SNX1: variants seen among roughly 807,000 people sequenced by gnomAD.
SNX1 encodes the protein sorting nexin 1, also known as sorting nexin-1.
Under a neutral mutation model 71.8 loss-of-function variants are expected in SNX1, and 36 were observed. The ratio of observed to expected loss-of-function variants is 0.50; its 90% CI spans 0.38 to 0.66. SNX1 has a LOEUF of 0.66. Among genes scored for constraint, SNX1 ranks in the 30% least tolerant of loss-of-function variants. SNX1 has a pLI of 0.00. For missense variants in SNX1, 612 were observed against 646.7 expected (o/e 0.95, Z 0.58); for synonymous variants, 254 against 240.7 (o/e 1.06, Z -0.51).
At chr15:64,100,926 T>A (rs917794113) in intron 1 of SNX1, among the ~76,000 whole-genome samples, 6 of 152,184 alleles carry the variant, frequency 3.9e-5, no homozygotes, top group African/African-American at 1.4e-4. Flanking sequence ...CACCTCAGCC[T>A]CCTGCGTAGC....
chr15:64,096,322 C>A, intron 1 of SNX1, 150 bp downstream of exon 1: 1 of 957,114 alleles, frequency 1.0e-6, no homozygotes, highest in Non-Finnish European at 1.5e-6. Flanking sequence ...TGGATGTGCT[C>A]GAAGCGGTAG....
At chr15:64,135,208 C>A (rs1001898801) in intron 12 of SNX1, among the ~76,000 whole-genome samples, 4 of 151,950 alleles carry the variant, frequency 2.6e-5, no homozygotes, top group East Asian at 2.0e-4. Flanking sequence ...AGCTCTGCCT[C>A]CTGGGTTCAC....
rs765320488 is a variant in SNX1, at chr15:64,127,247, A to T, written c.726A>T (p.Leu242Phe). 6.2e-7 allele frequency: 1 copy of T among 1,612,478 alleles called. No individual in the cohort carries two copies. The highest frequency in any genetic ancestry group is 1.1e-5 in the South Asian group (1 of 90,882). ...AEFLEKRRAALERYLQRIVNH... is the reference protein window; with the variant it reads ...AEFLEKRRAAFERYLQRIVNH... ...TTCTTGAAAAACGGAGGGCCGCTTT[A>T]GAAAGGTAAGTGCCATGCAGCCATT... The change falls in exon 7 of 15, where the codon TTA becomes TTT. Residue 242 changes from leucine (L) to phenylalanine (F), a missense_variant. Transcript: ENST00000559844.
In SNX1 at chr15:64,137,933, AC is replaced by A. The variant is rs780610180; in HGVS notation, c.*316del. Reference sequence around the variant, plus strand: ...ATATTTTTCAGGATGTGGTTTAGGAACTGGGAATAACGTTTTCTGTTACTCC... The same window carrying A: ...ATATTTTTCAGGATGTGGTTTAGGAATGGGAATAACGTTTTCTGTTACTCC... On this transcript the variant is annotated 3_prime_UTR_variant, in exon 15 of 15. Transcript: ENST00000559844. 8.0e-5 allele frequency: 113 copies of A among 1,418,688 alleles called. No homozygotes were observed. The highest frequency in any genetic ancestry group is 9.8e-5 in the Non-Finnish European group (107 of 1,093,760). 87.9% of individuals were successfully genotyped at this position (1,418,688 alleles called of 1,614,324 possible). A position where few individuals can be genotyped will look rare whatever the true frequency, so the allele number is the denominator to read the frequency against.
At position 64,121,861 on chromosome 15, in the gene SNX1, T is replaced by G. The variant is rs138457045; in HGVS notation, c.467-1642T>G. Among the ~76,000 whole-genome samples the G allele has an allele frequency of 3.8e-3, 568 of 151,194 alleles. 3 individuals carry two copies. Among genetic ancestry groups the G allele is most frequent in the African/African-American group, 0.013 (539 of 40,438 alleles). ...ACGCATTCTGTTTGTGTGGGCTGTT[T>G]ATTCAACATGTGCTTCTTGTTCCTG... On this transcript the variant is annotated intron_variant, in intron 4 of 14. Coordinates refer to ENST00000559844, the MANE Select transcript of SNX1 (RefSeq NM_003099.5).
chr15:64,122,794 CCTT>C (rs1288953172), intron 4 of SNX1, among the ~76,000 whole-genome samples: 2 of 152,100 alleles, frequency 1.3e-5, no homozygotes, highest in African/African-American at 4.8e-5. Flanking sequence ...ATCTTTATCT[CCTT>C]AAGTGGTCTA....
intron 1 of SNX1, among the ~76,000 whole-genome samples, chr15:64,105,484 G>C (rs144478644): frequency 6.4e-4 from 97 of 152,308 alleles, no homozygotes; most frequent in African/African-American, 2.1e-3. Flanking sequence ...GCAAGTAGCC[G>C]TAAGTATCTC....
At chr15:64,098,563 C>T (rs959373665) in intron 1 of SNX1, among the ~76,000 whole-genome samples, 5 of 151,930 alleles carry the variant, frequency 3.3e-5, no homozygotes, top group East Asian at 1.9e-4. Context: ...CATGGTGGCA[C>T]GTGCCTGTAA....
intron 10 of SNX1, among the ~76,000 whole-genome samples, chr15:64,131,350 G>A (rs535483291): frequency 6.6e-5 from 10 of 152,214 alleles, no homozygotes; most frequent in Admixed American, 3.3e-4. Flanking sequence ...CCACTCATGA[G>A]CTTCAACATA....
Position 64,140,028 on chromosome 15 carries a change from C to G in SNX1, c.*2410C>G, listed in dbSNP as rs986344124. 2 of 152,202 alleles carry G rather than the reference C, an allele frequency of 1.3e-5. No individual in the cohort carries two copies. Among genetic ancestry groups the G allele is most frequent in the African/African-American group, 4.8e-5 (2 of 41,436 alleles). 9.4% of individuals were successfully genotyped at this position (152,202 alleles called of 1,614,324 possible). On this transcript the variant is annotated 3_prime_UTR_variant, in exon 15 of 15. Transcript: ENST00000559844. ...TCCCATTAATGTTGTTAACTCTGTT[C>G]ACCGCTTAGGTTGGTGTCTGCCAGA...
chr15:64,137,758 C>T lies in SNX1; in HGVS notation c.*140C>T. On this transcript the variant is annotated 3_prime_UTR_variant, in exon 15 of 15. Coordinates refer to ENST00000559844, the MANE Select transcript of SNX1 (RefSeq NM_003099.5). Reference sequence around the variant, plus strand: ...CTCCCTGTCCCCACGACCAACTGTCCCCAGTTACTCTAACCGTTATTTCAT... The same window carrying T: ...CTCCCTGTCCCCACGACCAACTGTCTCCAGTTACTCTAACCGTTATTTCAT... The T allele has an allele frequency of 6.7e-7, 1 of 1,481,844 alleles. No individual in the cohort carries two copies. Among genetic ancestry groups the T allele is most frequent in the African/African-American group, 1.4e-5 (1 of 70,830 alleles). 91.8% of individuals were successfully genotyped at this position (1,481,844 alleles called of 1,614,324 possible). A position where few individuals can be genotyped will look rare whatever the true frequency, so the allele number is the denominator to read the frequency against.
chr15:64,134,735 G>A lies in SNX1; in HGVS notation c.1293G>A (p.Arg431=). 6.2e-7 allele frequency: 1 copy of A among 1,614,012 alleles called. No individual in the cohort carries two copies. The highest frequency in any genetic ancestry group is 8.5e-7 in the Non-Finnish European group (1 of 1,180,044). The change falls in exon 12 of 15, where the codon CGG becomes CGA. Residue 431 remains arginine, a synonymous_variant. Transcript: ENST00000559844. This position sits in a 1 kb window ranked among gnomAD's most constrained non-coding sequence, Gnocchi z 4.1. ...QDAQATLQKK[R]EAEARLLWAN... is the part of the protein sequence containing the mutation. ...CCCAAGCCACACTGCAGAAGAAGCG[G>A]GAGGCCGAGGCTCGGCTGCTGTGGG...
intron 2 of SNX1, chr15:64,115,688 T>A: frequency 4.2e-6 from 1 of 236,788 alleles, no homozygotes; most frequent in Middle Eastern, 9.5e-4. Context: ...CTCAACCTTC[T>A]GAGTAGCTAG....
intron 1 of SNX1, among the ~76,000 whole-genome samples, chr15:64,106,021 A>T (rs1050514404): frequency 6.6e-6 from 1 of 152,234 alleles, no homozygotes; most frequent in African/African-American, 2.4e-5. Flanking sequence ...TTATATTGAA[A>T]TTCAGTTTTA....
Position 64,140,833 on chromosome 15 carries a change from C to G in SNX1, c.*3215C>G, listed in dbSNP as rs1313178457. ...CTCCTGACCTCAGGTGATCTGCCCA[C>G]CTCAACCTCCCAAAGTGCTGGGATT... On this transcript the variant is annotated 3_prime_UTR_variant, in exon 15 of 15. Coordinates refer to ENST00000559844, the MANE Select transcript of SNX1 (RefSeq NM_003099.5). The G allele has an allele frequency of 6.6e-6, 1 of 152,166 alleles. No individual in the cohort carries two copies. Among genetic ancestry groups the G allele is most frequent in the East Asian group, 1.9e-4 (1 of 5,192 alleles). 9.4% of individuals were successfully genotyped at this position (152,166 alleles called of 1,614,324 possible). A position where few individuals can be genotyped will look rare whatever the true frequency, so the allele number is the denominator to read the frequency against.
chr15:64,134,634 T>C lies in SNX1; in HGVS notation c.1222-30T>C, dbSNP rs1296192758. ...GCCAGCAGAGCTCTTGAAGAGCTGG[T>C]TGTGCTCCTCCTCAACCCCACCCCC... On this transcript the variant is annotated intron_variant, in intron 11 of 14. Transcript: ENST00000559844. This position sits in a 1 kb window ranked among gnomAD's most constrained non-coding sequence, Gnocchi z 4.1. 10 of 1,593,778 alleles carry C rather than the reference T, an allele frequency of 6.3e-6. No individual in the cohort carries two copies. Among genetic ancestry groups the C allele is most frequent in the Non-Finnish European group, 8.6e-6 (10 of 1,169,260 alleles).
chr15:64,118,039 T>C (rs898779429), intron 2 of SNX1, 78 bp from the exon 3 acceptor site: 1 of 1,400,222 alleles, frequency 7.1e-7, no homozygotes, highest in East Asian at 2.3e-5. Flanking sequence ...ATTGTTCTTG[T>C]AAGTTCTTAG....
chr15:64,101,571 G>T (rs961303212), intron 1 of SNX1, among the ~76,000 whole-genome samples: 23 of 152,220 alleles, frequency 1.5e-4, no homozygotes, highest in African/African-American at 5.5e-4. Flanking sequence ...CAACATGAGT[G>T]TGCAAACATC....
At chr15:64,106,825 A>G (rs2140134850) in intron 1 of SNX1, among the ~76,000 whole-genome samples, 1 of 152,330 alleles carries the variant, frequency 6.6e-6, no homozygotes, top group Non-Finnish European at 1.5e-5. Flanking sequence ...AACCTCCAGA[A>G]AGGAACACAG....
Sources: gnomAD v4.1 joint callset for allele counts (sites outside exome capture counted in the v4.1 genomes callset) on GRCh38, gnomAD v4.1.1 for gene constraint, Gnocchi (gnomAD v3.1) non-coding constraint, MANE v1.5 for transcripts, NCBI Gene and HGNC (gene_info 2026-07-23, HGNC 2026-07-21) for gene names.